CACNA2D3: variants seen among roughly 807,000 people sequenced by gnomAD.
CACNA2D3 encodes calcium voltage-gated channel auxiliary subunit alpha2delta 3, also known as voltage-dependent calcium channel subunit alpha-2/delta-3.
A neutral mutation model predicts 160.6 loss-of-function variants in CACNA2D3; 60 were observed. The observed-to-expected ratio is 0.37, with a 90% confidence interval of 0.30 to 0.46. The LOEUF (loss-of-function observed/expected upper bound fraction) is 0.46, where lower values mean the gene tolerates loss of function less well. CACNA2D3 is among the 20% of genes least tolerant of loss of function. CACNA2D3 has a pLI of 1.00. For missense variants in CACNA2D3, 1,205 were observed against 1,365.0 expected (o/e 0.88, Z 1.85); for synonymous variants, 558 against 492.9 (o/e 1.13, Z -1.75).
At chr3:54,296,542 A>G (rs1703346509) in intron 2 of CACNA2D3, among the ~76,000 whole-genome samples, 1 of 152,164 alleles carries the variant, frequency 6.6e-6, no homozygotes, top group African/African-American at 2.4e-5. Flanking sequence ...GAGAACAGGG[A>G]TCCGTGCTCG....
chr3:54,298,141 C>T (rs7434171), intron 2 of CACNA2D3, among the ~76,000 whole-genome samples: 35,415 of 152,114 alleles, frequency 0.23, 4,368 homozygotes, highest in South Asian at 0.34. Flanking sequence ...GGACTTCTTA[C>T]AGGCAGTGGC....
At chr3:54,400,435 C>G (rs1699434788) in intron 4 of CACNA2D3, among the ~76,000 whole-genome samples, 1 of 152,080 alleles carries the variant, frequency 6.6e-6, no homozygotes. Context: ...GAACTCAGCA[C>G]TGTTGCAGCT....
At chr3:54,665,130 C>G (rs997708122) in intron 11 of CACNA2D3, among the ~76,000 whole-genome samples, 1 of 152,184 alleles carries the variant, frequency 6.6e-6, no homozygotes, top group Non-Finnish European at 1.5e-5. Flanking sequence ...ATATACTCCA[C>G]CTTTATGTTA....
intron 2 of CACNA2D3, among the ~76,000 whole-genome samples, chr3:54,229,284 C>T (rs1284983839): frequency 1.3e-5 from 2 of 152,080 alleles, no homozygotes; most frequent in African/African-American, 2.4e-5. Context: ...CTCTGCCGCC[C>T]GGATTCATGC....
intron 11 of CACNA2D3, among the ~76,000 whole-genome samples, chr3:54,677,953 TGAGA>T (rs1211054804): frequency 6.6e-6 from 1 of 151,952 alleles, no homozygotes; most frequent in Non-Finnish European, 1.5e-5. Context: ...ACATGTGTGA[TGAGA>T]GAGAGAAATG....
intron 2 of CACNA2D3, among the ~76,000 whole-genome samples, chr3:54,239,509 C>T (rs1378505564): frequency 2.0e-5 from 3 of 152,198 alleles, no homozygotes; most frequent in Non-Finnish European, 4.4e-5. Context: ...ATTTGAAAAG[C>T]TCTGTTAATA....
intron 27 of CACNA2D3, among the ~76,000 whole-genome samples, chr3:54,938,278 T>C (rs530193964): frequency 1.3e-5 from 2 of 152,376 alleles, no homozygotes; most frequent in South Asian, 4.1e-4. Context: ...TTAGTGCAGA[T>C]GCAAACACTG....
At chr3:54,500,596 CTTT>C (rs1164168299) in intron 4 of CACNA2D3, among the ~76,000 whole-genome samples, 7 of 134,378 alleles carry the variant, frequency 5.2e-5, no homozygotes. Context: ...CTTTCTTTCT[CTTT>C]TTCTTTCCTT....
At chr3:54,925,799 C>A (rs1342059047) in intron 27 of CACNA2D3, among the ~76,000 whole-genome samples, 1 of 152,188 alleles carries the variant, frequency 6.6e-6, no homozygotes, top group Admixed American at 6.5e-5. Flanking sequence ...TTTTAAACAA[C>A]AGTAGCCACA....
At chr3:54,993,600 T>A (rs1702787696) in intron 31 of CACNA2D3, among the ~76,000 whole-genome samples, 1 of 151,854 alleles carries the variant, frequency 6.6e-6, no homozygotes, top group Non-Finnish European at 1.5e-5. Context: ...TACTGAAGGA[T>A]GAAAATGTGG....
At chr3:54,546,143 T>A (rs1362378770) in intron 5 of CACNA2D3, among the ~76,000 whole-genome samples, 1 of 151,670 alleles carries the variant, frequency 6.6e-6, no homozygotes, top group Non-Finnish European at 1.5e-5. Context: ...ACAACAGGGG[T>A]CGGGGGAAGG....
At chr3:54,721,197 A>G in intron 11 of CACNA2D3, among the ~76,000 whole-genome samples, 1 of 152,150 alleles carries the variant, frequency 6.6e-6, no homozygotes, top group Non-Finnish European at 1.5e-5. Context: ...GTTTACCTCT[A>G]TTTAAGCTCA....
At chr3:54,645,777 G>A (rs1183204168) in intron 11 of CACNA2D3, among the ~76,000 whole-genome samples, 3 of 152,148 alleles carry the variant, frequency 2.0e-5, no homozygotes, top group Non-Finnish European at 4.4e-5. Flanking sequence ...AGGAAGTATA[G>A]CTTTGTGTCC....
At chr3:54,973,224 G>A (rs1277469329) in intron 29 of CACNA2D3, among the ~76,000 whole-genome samples, 1 of 152,154 alleles carries the variant, frequency 6.6e-6, no homozygotes, top group Non-Finnish European at 1.5e-5. Flanking sequence ...AACACAGTTA[G>A]CATTCAGGAC....
intron 27 of CACNA2D3, chr3:54,918,684 G>A (rs987806872): frequency 9.3e-6 from 15 of 1,613,994 alleles, no homozygotes; most frequent in East Asian, 4.5e-5. Flanking sequence ...GTTTGAGCTC[G>A]CACTCCAAGA....
intron 5 of CACNA2D3, among the ~76,000 whole-genome samples, chr3:54,545,193 C>T (rs1702042368): frequency 6.6e-6 from 1 of 152,110 alleles, no homozygotes; most frequent in South Asian, 2.1e-4. Flanking sequence ...TTTATTTTTT[C>T]AAATTTGAAA....
intron 3 of CACNA2D3, among the ~76,000 whole-genome samples, chr3:54,343,819 A>G (rs962377063): frequency 3.9e-5 from 6 of 152,202 alleles, no homozygotes; most frequent in African/African-American, 1.2e-4. Context: ...CATAGGATAC[A>G]TCTCTGCAGT....
chr3:54,496,683 C>G (rs562827123), intron 4 of CACNA2D3, among the ~76,000 whole-genome samples: 2 of 152,102 alleles, frequency 1.3e-5, no homozygotes, highest in African/African-American at 4.8e-5. Context: ...AATGTAAGTG[C>G]CTTCTGTAGC....
Position 54,168,065 on chromosome 3 carries a change from TTTTC to T in CACNA2D3, c.204+44484_204+44487del, listed in dbSNP as rs1213510778. On this transcript the variant is annotated intron_variant, in intron 2 of 37. Coordinates refer to ENST00000474759, the MANE Select transcript of CACNA2D3 (RefSeq NM_018398.3). The stretch of plus-strand genomic sequence containing the variant: ...CTTTCTGCTCTATTTTTGTCTACAT[TTTTC>T]TTTCTTTCTTTCCTTTCCTATATTT... Among the ~76,000 whole-genome samples, 151 of 152,322 alleles carry T rather than the reference TTTTC, an allele frequency of 9.9e-4. 1 individual carries two copies. Among genetic ancestry groups the T allele is most frequent in the Non-Finnish European group, 3.8e-4 (26 of 68,024 alleles).
Sources: gnomAD v4.1 joint callset for allele counts (sites outside exome capture counted in the v4.1 genomes callset) on GRCh38, gnomAD v4.1.1 for gene constraint, MANE v1.5 for transcripts, NCBI Gene and HGNC (gene_info 2026-07-23, HGNC 2026-07-21) for gene names.